The following AGTPBP1 variants were observed in gnomAD, a reference collection of about 807,000 sequenced individuals.
AGTPBP1 encodes the protein ATP/GTP binding carboxypeptidase 1, also known as cytosolic carboxypeptidase 1.
A neutral mutation model predicts 143.9 loss-of-function variants in AGTPBP1; 70 were observed. The observed-to-expected ratio is 0.49, with a 90% CI of 0.40 to 0.59. AGTPBP1 has a LOEUF of 0.59. Ranked by LOEUF, AGTPBP1 falls within the 20% of genes least tolerant of loss-of-function variation. The pLI is 0.00. For synonymous variants in AGTPBP1, 463 were observed against 500.2 expected (o/e 0.93, Z 0.99); for missense variants, 1,229 against 1,464.5 (o/e 0.84, Z 2.62).
the AGTPBP1 span, among the ~76,000 whole-genome samples, chr9:85,795,205 T>C: frequency 4.4e-4 from 67 of 152,352 alleles, no homozygotes; most frequent in African/African-American, 1.5e-3. Flanking sequence ...TTGGCATTTG[T>C]AGTCTATAGT....
At chr9:85,654,318 G>A (rs534288515) in intron 11 of AGTPBP1, among the ~76,000 whole-genome samples, 4 of 151,898 alleles carry the variant, frequency 2.6e-5, no homozygotes, top group Non-Finnish European at 5.9e-5. Context: ...TTCCTCTACT[G>A]TATACCTACA....
Position 85,642,845 on chromosome 9 carries a change from C to T in AGTPBP1, c.1284G>A (p.Glu428=), listed in dbSNP as rs769282491. The change falls in exon 13 of 26, where the codon GAG becomes GAA. Residue 428 remains glutamate (E), a synonymous_variant. Transcript: ENST00000357081. ...TTTATACCTGAAAATCATCAACAAGCTCAGGGAAAAGGTGTTCATACATTT... is the reference window on the plus strand; with the variant it reads ...TTTATACCTGAAAATCATCAACAAGTTCAGGGAAAAGGTGTTCATACATTT... The part of the protein sequence containing the change: ...DLKMYEHLFP[E]LVDDFQDYDL... 4 of 1,608,276 alleles carry T rather than the reference C, an allele frequency of 2.5e-6. No individual in the cohort carries two copies. The South Asian group carries it at 3.4e-5, about 14-fold the overall frequency.
Position 85,657,480 on chromosome 9 carries a change from T to C in AGTPBP1, c.864A>G (p.Ala288=). The C allele has an allele frequency of 6.2e-7, 1 of 1,613,846 alleles. No individual in the cohort carries two copies. The highest frequency in any genetic ancestry group is 1.1e-5 in the South Asian group (1 of 91,066). Reference sequence around the variant, plus strand: ...TTTTCATCCCATTGGCATCAATAAATGCTTTTCTTCCCAACTTGATGTTTG... The same window carrying C: ...TTTTCATCCCATTGGCATCAATAAACGCTTTTCTTCCCAACTTGATGTTTG... ...SVTNIKLGRK[A]FIDANGMKIL... Residue 288 remains alanine (A), a synonymous_variant, in exon 10 of 26, where the codon GCA becomes GCG. Transcript: ENST00000357081.
intron 25 of AGTPBP1, among the ~76,000 whole-genome samples, chr9:85,554,842 T>C (rs1030672896): frequency 1.3e-5 from 2 of 152,100 alleles, no homozygotes; most frequent in South Asian, 2.1e-4. Flanking sequence ...AAACAGACGA[T>C]GAAATGAAGA....
intron 11 of AGTPBP1, among the ~76,000 whole-genome samples, chr9:85,651,525 T>C (rs1833162070): frequency 6.6e-6 from 1 of 152,178 alleles, no homozygotes; most frequent in African/African-American, 2.4e-5. Flanking sequence ...CTATTTAGTA[T>C]TATATAGTTA....
At chr9:85,587,228 T>C (rs948752112) in intron 21 of AGTPBP1, among the ~76,000 whole-genome samples, 6 of 152,216 alleles carry the variant, frequency 3.9e-5, no homozygotes, top group African/African-American at 1.4e-4. Context: ...TTTCAAAGTA[T>C]AGAAAAAATT....
chr9:85,712,521 T>C lies in AGTPBP1; in HGVS notation c.13A>G (p.Lys5Glu), dbSNP rs750215568. 2.7e-6 allele frequency: 4 copies of C among 1,503,636 alleles called. 1 individual carries two copies. In the South Asian group the frequency reaches 3.9e-5, roughly 15 times the overall value. The allele number at this position is 1,503,636 out of a possible 1,614,324, so 93.1% of individuals were successfully genotyped here. A position where few individuals can be genotyped will look rare whatever the true frequency, so the allele number is the denominator to read the frequency against. The part of the protein sequence containing the change: MSKL[K>E]VIPEKSLTNN... ...CAGTACCTTTTTTCTGGTATCACTT[T>C]TAACTTGCTCATCTTGAGTTACTTC... Residue 5 changes from lysine to glutamate, a missense_variant, in exon 2 of 26, where the codon AAA becomes GAA. This residue lies in a region of AGTPBP1 where 743 missense variants were observed against 812.2 expected (regional missense o/e 0.91). Transcript: ENST00000357081.
chr9:85,625,565 A>G (rs190661023), intron 14 of AGTPBP1, among the ~76,000 whole-genome samples: 1 of 152,218 alleles, frequency 6.6e-6, no homozygotes, highest in Admixed American at 6.5e-5. Flanking sequence ...TAAAAGTGTA[A>G]TTTATAATAA....
the AGTPBP1 span, among the ~76,000 whole-genome samples, chr9:85,782,494 C>A: frequency 6.6e-6 from 1 of 151,984 alleles, no homozygotes; most frequent in Non-Finnish European, 1.5e-5. Context: ...CGACCTGGGC[C>A]ACAAGAGCGA....
chr9:85,638,287 G>A (rs1358937788), intron 13 of AGTPBP1, among the ~76,000 whole-genome samples: 1 of 151,876 alleles, frequency 6.6e-6, no homozygotes, highest in African/African-American at 2.4e-5. Flanking sequence ...TTGCGTATTT[G>A]TCAATAATCA....
intron 6 of AGTPBP1, among the ~76,000 whole-genome samples, chr9:85,676,881 G>T (rs971129700): frequency 6.6e-6 from 1 of 152,162 alleles, no homozygotes; most frequent in African/African-American, 2.4e-5. Context: ...CCTGTCATTT[G>T]CAGCAACATG....
At chr9:85,686,662 C>T (rs746057703) in intron 3 of AGTPBP1, among the ~76,000 whole-genome samples, 1 of 151,948 alleles carries the variant, frequency 6.6e-6, no homozygotes, top group African/African-American at 2.4e-5. Context: ...TATGTATAAA[C>T]ATAACATGTA....
chr9:85,581,488 C>T (rs552515750), intron 23 of AGTPBP1, among the ~76,000 whole-genome samples: 137 of 152,188 alleles, frequency 9.0e-4, no homozygotes, highest in Non-Finnish European at 1.6e-3. Flanking sequence ...AATACAAATA[C>T]GGTAACATAA....
At chr9:85,587,642 T>C (rs1438779642) in intron 21 of AGTPBP1, among the ~76,000 whole-genome samples, 1 of 152,132 alleles carries the variant, frequency 6.6e-6, no homozygotes, top group African/African-American at 2.4e-5. Context: ...ATACGAGAAA[T>C]ATTCATGCTA....
At chr9:85,696,213 T>C (rs974400567) in intron 2 of AGTPBP1, among the ~76,000 whole-genome samples, 25 of 152,140 alleles carry the variant, frequency 1.6e-4, no homozygotes, top group Admixed American at 7.2e-4. Flanking sequence ...AACTAATAGA[T>C]TTGTTGCTGA....
chr9:85,799,080 T>A, the AGTPBP1 span, among the ~76,000 whole-genome samples: 1 of 151,968 alleles, frequency 6.6e-6, no homozygotes, highest in Non-Finnish European at 1.5e-5. Flanking sequence ...GAACGTGCGG[T>A]GTTTGGTTTT....
the AGTPBP1 span, among the ~76,000 whole-genome samples, chr9:85,752,234 C>G: frequency 6.6e-6 from 1 of 150,834 alleles, no homozygotes; most frequent in African/African-American, 2.4e-5. Context: ...GAGACTTTGT[C>G]TAGAAAAAAA....
At chr9:85,630,562 C>T (rs1181730331) in intron 14 of AGTPBP1, among the ~76,000 whole-genome samples, 1 of 152,116 alleles carries the variant, frequency 6.6e-6, no homozygotes, top group Non-Finnish European at 1.5e-5. Flanking sequence ...TCACTGCAGC[C>T]TCTGCCTCCT....
chr9:85,548,710 C>G (rs892520348), intron 25 of AGTPBP1, among the ~76,000 whole-genome samples: 1 of 148,144 alleles, frequency 6.8e-6, no homozygotes. Context: ...GAGTCTTTCT[C>G]TGTTGCCCAG....
Sources: allele counts gnomAD v4.1 joint callset (sites outside exome capture counted in the v4.1 genomes callset), GRCh38; gene constraint gnomAD v4.1.1; regional missense constraint gnomAD v4.1.1; transcripts MANE v1.5; gene names NCBI Gene and HGNC (gene_info 2026-07-23, HGNC 2026-07-21).